FASTKD2: variants seen among roughly 807,000 people sequenced by gnomAD.
The protein encoded by FASTKD2 is FAST kinase domain-containing protein 2, mitochondrial.
A neutral mutation model predicts 63.6 loss-of-function variants in FASTKD2; 51 were observed. That is an observed-to-expected ratio of 0.80 (90% CI 0.64 to 1.01). The LOEUF (loss-of-function observed/expected upper bound fraction) is 1.01, where lower values mean the gene tolerates loss of function less well. FASTKD2 is among the 50% of genes least tolerant of loss of function. The pLI is 0.00. For missense variants in FASTKD2, 786 were observed against 831.1 expected (o/e 0.95, Z 0.67); for synonymous variants, 284 against 293.4 (o/e 0.97, Z 0.33).
rs1486843207 is a variant in FASTKD2, at chr2:206,792,797, G to A, written c.*995G>A. On this transcript the variant is annotated 3_prime_UTR_variant, in exon 12 of 12. Coordinates refer to ENST00000402774, the MANE Select transcript of FASTKD2 (RefSeq NM_001136193.2). ...CTTTTCATGATCTGAACCCTTTGAG[G>A]TGTAGCTGCTATTATGATTCTCTCT... Among the ~76,000 whole-genome samples, 1 of 152,140 alleles carries A rather than the reference G, an allele frequency of 6.6e-6. No homozygotes were observed. The highest frequency in any genetic ancestry group is 6.5e-5 in the Admixed American group (1 of 15,280).
chr2:206,789,914 A>G (rs926654082), intron 10 of FASTKD2: 1 of 152,370 alleles, frequency 6.6e-6, no homozygotes, highest in Admixed American at 6.5e-5. Context: ...ATTCCTTTAA[A>G]AACATAAAAT....
At chr2:206,771,854 C>T in intron 4 of FASTKD2, 40 bp from the exon 5 acceptor site, 2 of 1,459,284 alleles carry the variant, frequency 1.4e-6, no homozygotes, top group Non-Finnish European at 9.6e-7. Context: ...TTTATTTTGT[C>T]ACAGATAGTA....
chr2:206,792,471 T>G lies in FASTKD2; in HGVS notation c.*669T>G, dbSNP rs1170117847. 6.6e-6 allele frequency: 1 copy of G among 152,560 alleles called. No individual in the cohort carries two copies. Among genetic ancestry groups the G allele is most frequent in the African/African-American group, 2.4e-5 (1 of 41,452 alleles). 9.5% of individuals were successfully genotyped at this position (152,560 alleles called of 1,614,324 possible). Reference sequence around the variant, plus strand: ...ACCCCTCCCACAATTTCATGAAGTCTTTTAAATTAAATATATAGCTGAATT... The same window carrying G: ...ACCCCTCCCACAATTTCATGAAGTCGTTTAAATTAAATATATAGCTGAATT... On this transcript the variant is annotated 3_prime_UTR_variant, in exon 12 of 12. Transcript: ENST00000402774.
intron 2 of FASTKD2, among the ~76,000 whole-genome samples, chr2:206,769,323 G>C (rs1689605408): frequency 6.6e-6 from 1 of 152,132 alleles, no homozygotes; most frequent in Non-Finnish European, 1.5e-5. Flanking sequence ...AAGACTTTGT[G>C]ATTCATTGGT....
chr2:206,769,852 A>G (rs1320864885), intron 2 of FASTKD2, among the ~76,000 whole-genome samples: 1 of 152,246 alleles, frequency 6.6e-6, no homozygotes, highest in Non-Finnish European at 1.5e-5. Flanking sequence ...GTTTTCAGTG[A>G]TAATGGTGAA....
Position 206,791,594 on chromosome 2 carries a change from C to G in FASTKD2, c.2014-89C>G, listed in dbSNP as rs1431914875. On this transcript the variant is annotated intron_variant, in intron 11 of 11. Coordinates refer to ENST00000402774, the MANE Select transcript of FASTKD2 (RefSeq NM_001136193.2). ...TTTGCTTTCAAAAAGCTATTGTCCTCATGTTACTTTACTATGTTTGGATCT... is the reference window on the plus strand; with the variant it reads ...TTTGCTTTCAAAAAGCTATTGTCCTGATGTTACTTTACTATGTTTGGATCT... 6.5e-6 allele frequency: 8 copies of G among 1,237,436 alleles called. No homozygotes were observed. The South Asian group carries it at 8.5e-5, about 13-fold the overall frequency. The allele number at this position is 1,237,436 out of a possible 1,614,324, so 76.7% of individuals were successfully genotyped here.
intron 7 of FASTKD2, among the ~76,000 whole-genome samples, chr2:206,785,300 A>C (rs1321328114): frequency 2.0e-5 from 3 of 152,180 alleles, no homozygotes; most frequent in Admixed American, 6.5e-5. Flanking sequence ...ATCATCTAGG[A>C]TATTTGGAAA....
rs1029223421 is a variant in FASTKD2 at position 206,795,872 on chromosome 2, A to G, written c.*4070A>G. ...AAATAATGTGGCTCTGGAGCCAGCA[A>G]TGGGCAGCATCTTCATGACTTTCCA... On this transcript the variant is annotated 3_prime_UTR_variant, in exon 12 of 12. Coordinates refer to ENST00000402774, the MANE Select transcript of FASTKD2 (RefSeq NM_001136193.2). 6.6e-6 allele frequency among the ~76,000 whole-genome samples: 1 copy of G among 152,194 alleles called. No individual in the cohort carries two copies. Among genetic ancestry groups the G allele is most frequent in the East Asian group, 1.9e-4 (1 of 5,186 alleles).
At position 206,794,387 on chromosome 2, in the gene FASTKD2, T is replaced by G. The variant is rs1173650066; in HGVS notation, c.*2585T>G. ...TTCTTGAAATAGCTACATGCAATTCTTTTTTATTATTTTTTAATTTTAATT... is the reference window on the plus strand; with the variant it reads ...TTCTTGAAATAGCTACATGCAATTCGTTTTTATTATTTTTTAATTTTAATT... On this transcript the variant is annotated 3_prime_UTR_variant, in exon 12 of 12. Coordinates refer to ENST00000402774, the MANE Select transcript of FASTKD2 (RefSeq NM_001136193.2). 1.3e-5 allele frequency among the ~76,000 whole-genome samples: 2 copies of G among 152,198 alleles called. No individual in the cohort carries two copies. Among genetic ancestry groups the G allele is most frequent in the Non-Finnish European group, 2.9e-5 (2 of 68,046 alleles).
intron 8 of FASTKD2, among the ~76,000 whole-genome samples, chr2:206,787,241 T>C (rs556340978): frequency 2.0e-5 from 3 of 152,312 alleles, no homozygotes; most frequent in Admixed American, 6.5e-5. Flanking sequence ...TCCTTACTTA[T>C]CACATTTGAA....
chr2:206,775,171 A>G (rs548798619), intron 7 of FASTKD2, among the ~76,000 whole-genome samples: 2 of 152,114 alleles, frequency 1.3e-5, no homozygotes, highest in South Asian at 2.1e-4. Context: ...TTGTTTCCCT[A>G]TCTTGGCTAT....
Position 206,765,639 on chromosome 2 carries a change from G to T in FASTKD2, c.-159G>T, listed in dbSNP as rs576495313. 69 of 645,834 alleles carry T rather than the reference G, an allele frequency of 1.1e-4. No individual in the cohort carries two copies. Among genetic ancestry groups the T allele is most frequent in the African/African-American group, 1.0e-3 (53 of 51,216 alleles). The allele number at this position is 645,834 out of a possible 1,614,324, so 40.0% of individuals were successfully genotyped here. A position where few individuals can be genotyped will look rare whatever the true frequency, so the allele number is the denominator to read the frequency against. The stretch of plus-strand genomic sequence containing the variant: ...CATGGCTGCTCCTGTACGTAGTCAC[G>T]GTCTTGTGCTCTAAGGTGAGTGGAG... On this transcript the variant is annotated 5_prime_UTR_variant, in exon 1 of 12. Transcript: ENST00000402774.
chr2:206,766,486 G>C (rs1689477331), intron 1 of FASTKD2, among the ~76,000 whole-genome samples, 158 bp from the exon 2 acceptor site: 1 of 152,064 alleles, frequency 6.6e-6, no homozygotes, highest in African/African-American at 2.4e-5. Context: ...TGGTAGATTG[G>C]AGGGAGCCCA....
rs774604122 is a variant in FASTKD2, at chr2:206,774,271, T to G, written c.1301T>G (p.Val434Gly). 7 of 1,611,954 alleles carry G rather than the reference T, an allele frequency of 4.3e-6. No homozygotes were observed. Among genetic ancestry groups the G allele is most frequent in the Non-Finnish European group, 5.1e-6 (6 of 1,178,514 alleles). The change falls in exon 7 of 12, where the codon GTT (valine) becomes GGT (glycine). Residue 434 changes from valine to glycine, a missense_variant. Physicochemically the swap from Val to Gly is moderately radical, Grantham distance 109. Transcript: ENST00000402774. Reference sequence around the variant, plus strand: ...TTTGAAAACCTTGGCTTTCGACCTGTTGGTTTAATGGACCTGTTTATGAAG... The same window carrying G: ...TTTGAAAACCTTGGCTTTCGACCTGGTGGTTTAATGGACCTGTTTATGAAG... The part of the protein sequence containing the change: ...ILFENLGFRP[V>G]GLMDLFMKRI...
chr2:206,789,544 A>G (rs567846559), intron 10 of FASTKD2: 1 of 152,538 alleles, frequency 6.6e-6, no homozygotes, highest in East Asian at 1.9e-4. Flanking sequence ...GCTCTGCTAC[A>G]TGGATCCTGA....
chr2:206,781,673 CTTTTTTT>C (rs59970556), intron 7 of FASTKD2, among the ~76,000 whole-genome samples: 2 of 130,470 alleles, frequency 1.5e-5, no homozygotes, highest in Non-Finnish European at 3.2e-5. Context: ...TTTTTAATTT[CTTTTTTT>C]TTTTTTTTTT....
chr2:206,772,062 GT>G, intron 5 of FASTKD2, 45 bp downstream of exon 5: 1 of 1,608,824 alleles, frequency 6.2e-7, no homozygotes, highest in Non-Finnish European at 8.5e-7. Context: ...CTGAGCTTCT[GT>G]TTTAGACTAT....
intron 1 of FASTKD2, among the ~76,000 whole-genome samples, chr2:206,766,089 G>C (rs1370426463): frequency 6.6e-6 from 1 of 151,616 alleles, no homozygotes; most frequent in Non-Finnish European, 1.5e-5. Context: ...GTGAAACTCC[G>C]TCTTTACAAA....
chr2:206,790,370 T>A, intron 10 of FASTKD2: 1 of 531,620 alleles, frequency 1.9e-6, no homozygotes, highest in South Asian at 2.0e-5. Flanking sequence ...TGTATAATGT[T>A]GTATATTTTT....
Sources: gnomAD v4.1 joint callset for allele counts (sites outside exome capture counted in the v4.1 genomes callset) on GRCh38, gnomAD v4.1.1 for gene constraint, MANE v1.5 for transcripts, NCBI Gene and HGNC (gene_info 2026-07-23, HGNC 2026-07-21) for gene names.